LIFR: variants seen among roughly 807,000 people sequenced by gnomAD.
LIFR encodes the protein leukemia inhibitory factor receptor.
A neutral mutation model predicts 122.2 loss-of-function variants in LIFR; 84 were observed. The observed-to-expected ratio is 0.69, with a 90% confidence interval of 0.58 to 0.82. LIFR has a LOEUF of 0.82. Among genes scored for constraint, LIFR ranks in the 40% least tolerant of loss-of-function variants. The probability of loss-of-function intolerance (pLI) is 0.00; values close to 1 mark genes in which losing one functional copy is unlikely to be tolerated. For missense variants in LIFR, 1,294 were observed against 1,311.6 expected (o/e 0.99, Z 0.21); for synonymous variants, 422 against 434.7 (o/e 0.97, Z 0.36).
chr5:38,506,773 G>A, intron 7 of LIFR, 141 bp from the exon 8 acceptor site: 3 of 709,648 alleles, frequency 4.2e-6, no homozygotes, highest in Non-Finnish European at 7.1e-6. Context: ...AATAATGCAG[G>A]AATTATTCTC....
At chr5:38,535,088 CA>C (rs935098172) in intron 1 of LIFR, among the ~76,000 whole-genome samples, 5 of 151,932 alleles carry the variant, frequency 3.3e-5, no homozygotes, top group Admixed American at 2.0e-4. Context: ...AGGTACAAAA[CA>C]AAAAAGAACA....
At chr5:38,562,971 G>A (rs939334013) in intron 1 of LIFR, among the ~76,000 whole-genome samples, 11 of 151,994 alleles carry the variant, frequency 7.2e-5, no homozygotes, top group South Asian at 2.1e-4. Flanking sequence ...GGTTTTCTTC[G>A]GGTACCTAAT....
chr5:38,494,796 C>T (rs1171605725), intron 13 of LIFR, among the ~76,000 whole-genome samples: 3 of 152,094 alleles, frequency 2.0e-5, no homozygotes, highest in Admixed American at 6.5e-5. Context: ...CGGCCCTTGA[C>T]GGGATGCAGC....
At chr5:38,542,169 A>T (rs201312403) in intron 1 of LIFR, among the ~76,000 whole-genome samples, 25 of 152,328 alleles carry the variant, frequency 1.6e-4, no homozygotes, top group East Asian at 7.7e-4. Context: ...ATCTTACTCT[A>T]GTAAATCCCA....
chr5:38,489,925 G>T (rs940059118), intron 15 of LIFR, among the ~76,000 whole-genome samples: 1 of 145,104 alleles, frequency 6.9e-6, no homozygotes, highest in South Asian at 2.3e-4. Flanking sequence ...AGCCCAGGAG[G>T]TTGAGGCTGA....
chr5:38,546,488 A>C (rs533115041), intron 1 of LIFR, among the ~76,000 whole-genome samples: 15 of 152,332 alleles, frequency 9.8e-5, no homozygotes, highest in Admixed American at 5.2e-4. Context: ...CAAAATTAAG[A>C]AGCTCTGGAA....
At chr5:38,499,730 T>C (rs758075290) in intron 11 of LIFR, 147 bp from the exon 12 acceptor site, 1 of 689,452 alleles carries the variant, frequency 1.5e-6, no homozygotes, top group Non-Finnish European at 2.6e-6. Flanking sequence ...CAATGGAAAA[T>C]CTAAGCTCTC....
At chr5:38,594,454 G>A (rs1750031192) in intron 1 of LIFR, among the ~76,000 whole-genome samples, 2 of 152,200 alleles carry the variant, frequency 1.3e-5, no homozygotes, top group Admixed American at 6.5e-5. Context: ...ATGAACTTTG[G>A]TTCATACTAA....
rs1743685857 is a variant in LIFR at position 38,475,561 on chromosome 5, A to G, written c.*6034T>C. On this transcript the variant is annotated 3_prime_UTR_variant, in exon 20 of 20. Transcript: ENST00000453190. ...TTTGACCAAACAAAAATTAGTAAAC[A>G]GTTACTAGTATTTATAAAAAACTTA... 1 of 189,434 alleles carries G rather than the reference A, an allele frequency of 5.3e-6. No homozygotes were observed. Among genetic ancestry groups the G allele is most frequent in the Non-Finnish European group, 1.1e-5 (1 of 89,952 alleles). The allele number at this position is 189,434 out of a possible 1,614,324, so 11.7% of individuals were successfully genotyped here.
At chr5:38,535,052 AC>A (rs531217451) in intron 1 of LIFR, among the ~76,000 whole-genome samples, 24 of 152,298 alleles carry the variant, frequency 1.6e-4, no homozygotes, top group South Asian at 8.3e-4. Flanking sequence ...TCTGGAAGCT[AC>A]TGCAGGACAT....
intron 1 of LIFR, among the ~76,000 whole-genome samples, chr5:38,591,367 T>G (rs1749916282): frequency 6.6e-6 from 1 of 152,224 alleles, no homozygotes; most frequent in Non-Finnish European, 1.5e-5. Context: ...CAACTCACAC[T>G]TTTTTGTATG....
chr5:38,527,401 G>A, intron 3 of LIFR, 107 bp from the exon 4 acceptor site: 1 of 726,316 alleles, frequency 1.4e-6, no homozygotes, highest in Non-Finnish European at 2.4e-6. Context: ...TGCCCTCTTT[G>A]TTGCAAAAAC....
intron 4 of LIFR, among the ~76,000 whole-genome samples, chr5:38,526,920 T>C (rs1746719153): frequency 1.3e-5 from 2 of 152,080 alleles, no homozygotes; most frequent in Non-Finnish European, 2.9e-5. Context: ...TCAAGGGGGC[T>C]AAAGAAAGAG....
intron 14 of LIFR, among the ~76,000 whole-genome samples, chr5:38,493,029 C>T (rs1744679795): frequency 6.6e-6 from 1 of 152,186 alleles, no homozygotes; most frequent in Non-Finnish European, 1.5e-5. Flanking sequence ...GCATCAGGCT[C>T]ATGGAACGCA....
intron 5 of LIFR, among the ~76,000 whole-genome samples, chr5:38,516,691 G>A (rs1336111521): frequency 6.6e-6 from 1 of 152,112 alleles, no homozygotes; most frequent in Non-Finnish European, 1.5e-5. Flanking sequence ...ATTTGACCCA[G>A]CCATCCCATT....
chr5:38,480,630 C>T lies in LIFR; in HGVS notation c.*965G>A, dbSNP rs557553154. The T allele has an allele frequency of 3.2e-5, 7 of 218,616 alleles. No homozygotes were observed. The highest frequency in any genetic ancestry group is 1.2e-4 in the Admixed American group (2 of 17,272). The allele number at this position is 218,616 out of a possible 1,614,324, so 13.5% of individuals were successfully genotyped here. A position where few individuals can be genotyped will look rare whatever the true frequency, so the allele number is the denominator to read the frequency against. The stretch of plus-strand genomic sequence containing the variant: ...AACGGCATGGTCTCCTCAGGAGGAA[C>T]GAAATCCAATCAGAACTATATGGAC... On this transcript the variant is annotated 3_prime_UTR_variant, in exon 20 of 20. Transcript: ENST00000453190.
intron 13 of LIFR, 87 bp from the exon 14 acceptor site, chr5:38,493,872 T>A: frequency 9.3e-7 from 1 of 1,071,816 alleles, no homozygotes; most frequent in Non-Finnish European, 1.4e-6. Flanking sequence ...GTTAGAAAAA[T>A]CACTTCATTG....
intron 9 of LIFR, among the ~76,000 whole-genome samples, chr5:38,504,822 A>C (rs1490203057): frequency 1.3e-5 from 2 of 152,214 alleles, no homozygotes; most frequent in African/African-American, 2.4e-5. Flanking sequence ...GAAATCGCAA[A>C]GACGACAGGA....
chr5:38,544,300 C>T (rs1747754204), intron 1 of LIFR, among the ~76,000 whole-genome samples: 1 of 152,046 alleles, frequency 6.6e-6, no homozygotes, highest in Admixed American at 6.5e-5. Context: ...CTAGTGGATT[C>T]TCCTTATAAG....
Sources: gnomAD v4.1 joint callset for allele counts (sites outside exome capture counted in the v4.1 genomes callset) on GRCh38, gnomAD v4.1.1 for gene constraint, MANE v1.5 for transcripts, NCBI Gene and HGNC (gene_info 2026-07-23, HGNC 2026-07-21) for gene names.